UNC79: variants seen among roughly 807,000 people sequenced by gnomAD.
UNC79 encodes unc-79 subunit of NALCN channel complex, also known as protein unc-79 homolog.
In UNC79, 37 loss-of-function variants were observed where a neutral mutation model predicts 283.1. The observed-to-expected ratio is 0.13, with a 90% CI of 0.10 to 0.17. The LOEUF (loss-of-function observed/expected upper bound fraction) is 0.17. Among genes scored for constraint, UNC79 ranks in the 10% least tolerant of loss-of-function variants. The pLI, the probability that UNC79 is intolerant of heterozygous loss-of-function variation, is 1.00. For missense variants in UNC79, 2,272 were observed against 3,211.1 expected (o/e 0.71, Z 7.07); for synonymous variants, 1,107 against 1,200.2 (o/e 0.92, Z 1.61).
chr14:93,533,569 C>T (rs1028893743), intron 11 of UNC79, among the ~76,000 whole-genome samples: 2 of 152,118 alleles, frequency 1.3e-5, no homozygotes, highest in Non-Finnish European at 2.9e-5. Context: ...GTGTCTGGGC[C>T]TCTCTTTCCA....
chr14:93,537,958 T>C (rs1290057715), intron 11 of UNC79, 31 bp from the exon 12 acceptor site: 1 of 1,587,844 alleles, frequency 6.3e-7, no homozygotes, highest in East Asian at 2.2e-5. Flanking sequence ...CGGTGGTCAA[T>C]TTTAATTGAT....
intron 1 of UNC79, among the ~76,000 whole-genome samples, chr14:93,406,584 T>C (rs2055230899): frequency 6.6e-6 from 1 of 152,128 alleles, no homozygotes; most frequent in Non-Finnish European, 1.5e-5. Context: ...TGAGATCCTG[T>C]CTCTAAAAAG....
intron 17 of UNC79, among the ~76,000 whole-genome samples, chr14:93,576,740 C>T (rs934177131): frequency 3.2e-4 from 48 of 152,114 alleles, no homozygotes; most frequent in South Asian, 2.1e-4. Context: ...GGAGAAGTTA[C>T]GGAGTGCTGG....
At chr14:93,683,914 T>C (rs1385814055) in intron 42 of UNC79, among the ~76,000 whole-genome samples, 2 of 152,074 alleles carry the variant, frequency 1.3e-5, no homozygotes, top group African/African-American at 4.8e-5. Flanking sequence ...CTTTAATGTA[T>C]GTGACTTGAT....
chr14:93,414,533 C>T (rs572846363), intron 1 of UNC79, among the ~76,000 whole-genome samples: 56 of 152,216 alleles, frequency 3.7e-4, no homozygotes, highest in African/African-American at 1.0e-3. Context: ...GCCATATGAA[C>T]TTTAAAGTGG....
chr14:93,566,870 G>C (rs1198573511), intron 14 of UNC79, among the ~76,000 whole-genome samples: 1 of 152,062 alleles, frequency 6.6e-6, no homozygotes, highest in Non-Finnish European at 1.5e-5. Context: ...GCCCACCTTG[G>C]CCTCCCAAAG....
intron 41 of UNC79, 90 bp from the exon 45 acceptor site, chr14:93,682,526 TA>T: frequency 9.0e-7 from 1 of 1,108,468 alleles, no homozygotes; most frequent in East Asian, 2.6e-5. Context: ...AAATAAACAC[TA>T]ATTAATTTAA....
intron 38 of UNC79, among the ~76,000 whole-genome samples, chr14:93,655,663 A>C (rs1450913884): frequency 1.3e-5 from 2 of 150,250 alleles, no homozygotes; most frequent in Non-Finnish European, 3.0e-5. Context: ...AAAAAAAAAC[A>C]AAAAAACAGC....
intron 31 of UNC79, among the ~76,000 whole-genome samples, chr14:93,633,870 G>GT (rs1417396797): frequency 6.6e-6 from 1 of 152,180 alleles, no homozygotes; most frequent in Non-Finnish European, 1.5e-5. Context: ...CTCGTGGAAT[G>GT]TTGTTTGATT....
chr14:93,616,495 A>G (rs2066740408), intron 27 of UNC79, among the ~76,000 whole-genome samples: 1 of 150,892 alleles, frequency 6.6e-6, no homozygotes. Flanking sequence ...CAGCCTCCCG[A>G]GTAGCTAGGA....
rs574893712 is a variant in UNC79, at chr14:93,595,193, G to A, written c.3190+1356G>A. ...CAACCTCTGCCTCCCGGGTTTAAGC[G>A]ATTCTGTTGCCTCAGCCTCCTGAGC... On this transcript the variant is annotated intron_variant, in intron 23 of 48. Coordinates refer to ENST00000555664, the Ensembl canonical transcript of UNC79. Among the ~76,000 whole-genome samples the A allele has an allele frequency of 3.3e-5, 5 of 151,724 alleles. No individual in the cohort carries two copies. The South Asian group carries it at 1.0e-3, about 32-fold the overall frequency.
intron 27 of UNC79, among the ~76,000 whole-genome samples, chr14:93,613,561 C>T (rs2066467230): frequency 6.6e-6 from 1 of 151,978 alleles, no homozygotes; most frequent in African/African-American, 2.4e-5. Context: ...ACTACAGGCG[C>T]CCGCCACCAT....
intron 14 of UNC79, among the ~76,000 whole-genome samples, chr14:93,544,039 C>T (rs1176486231): frequency 1.3e-5 from 2 of 152,224 alleles, no homozygotes; most frequent in Admixed American, 6.5e-5. Context: ...CATTCTTTGC[C>T]TGTGTTGATA....
In UNC79 at chr14:93,655,550, A is replaced by G. The variant is rs986198869; in HGVS notation, c.6456+143A>G. On this transcript the variant is annotated intron_variant, in intron 38 of 48. Transcript: ENST00000555664. ...CGTCAGCCATGGAGTGAGGATGCTT[A>G]TTTGGGTTGTTCTGTCTTCTCTTAG... The G allele has an allele frequency of 1.9e-5, 18 of 952,120 alleles. No homozygotes were observed. In the South Asian group the frequency reaches 3.1e-4, roughly 17 times the overall value. 59.0% of individuals were successfully genotyped at this position (952,120 alleles called of 1,614,324 possible).
chr14:93,447,824 T>G (rs1001091065), intron 1 of UNC79, among the ~76,000 whole-genome samples: 1 of 152,160 alleles, frequency 6.6e-6, no homozygotes, highest in Non-Finnish European at 1.5e-5. Flanking sequence ...CTGGCCTTCT[T>G]GGTTTCAGAG....
chr14:93,500,402 G>A (rs369156980), intron 7 of UNC79, among the ~76,000 whole-genome samples: 5 of 152,068 alleles, frequency 3.3e-5, no homozygotes, highest in Admixed American at 1.3e-4. Context: ...TGGGGAAGTA[G>A]CTCTCTTGAA....
chr14:93,343,840 A>G (rs1479387266), intron 1 of UNC79, among the ~76,000 whole-genome samples: 1 of 152,214 alleles, frequency 6.6e-6, no homozygotes, highest in Non-Finnish European at 1.5e-5. Flanking sequence ...TCTTTTATAT[A>G]ACTGCAGAAG....
chr14:93,582,670 A>G (rs1245357310), intron 20 of UNC79, among the ~76,000 whole-genome samples: 4 of 152,154 alleles, frequency 2.6e-5, no homozygotes, highest in African/African-American at 9.7e-5. Context: ...GCATTTGGCT[A>G]AAGCAGAGTG....
intron 14 of UNC79, among the ~76,000 whole-genome samples, chr14:93,562,541 C>G (rs1359167182): frequency 1.3e-5 from 2 of 152,130 alleles, no homozygotes; most frequent in African/African-American, 4.8e-5. Flanking sequence ...AAGTTGGAGG[C>G]TGAGCTTGGT....
Sources: gnomAD v4.1 joint callset for allele counts (sites outside exome capture counted in the v4.1 genomes callset) on GRCh38, gnomAD v4.1.1 for gene constraint, MANE v1.5 for transcripts, NCBI Gene and HGNC (gene_info 2026-07-23, HGNC 2026-07-21) for gene names.